Variants in RESF1 observed in about 807,000 individuals in gnomAD.
RESF1 encodes gonad expressed transcript.
Under a neutral mutation model 134.7 loss-of-function variants are expected in RESF1, and 65 were observed. The observed-to-expected ratio is 0.48, with a 90% CI of 0.40 to 0.59. RESF1 has a LOEUF of 0.59. Among genes scored for constraint, RESF1 ranks in the 20% least tolerant of loss-of-function variants. The pLI is 0.00. For synonymous variants in RESF1, 762 were observed against 702.2 expected (o/e 1.09, Z -1.35); for missense variants, 2,274 against 2,002.7 (o/e 1.14, Z -2.59).
chr12:31,985,880 TACTA>T lies in RESF1; in HGVS notation c.4927_4930del (p.Leu1643ArgfsTer12). 1 of 1,538,330 alleles carries T rather than the reference TACTA, an allele frequency of 6.5e-7. No homozygotes were observed. Among genetic ancestry groups the T allele is most frequent in the African/African-American group, 1.4e-5 (1 of 71,812 alleles). ...GAGTTTAAATTATGTCCAGATATCT[TACTA>T]AAGAATACAAACTCTGTGGAAGAAC... On this transcript the variant is annotated frameshift_variant, in exon 4 of 6. Transcript: ENST00000312561. LOFTEE classifies it high-confidence loss of function.
chr12:31,981,211 T>C lies in RESF1; in HGVS notation c.256T>C (p.Ser86Pro), dbSNP rs1274489794. 4.3e-6 allele frequency: 7 copies of C among 1,614,136 alleles called. No homozygotes were observed. The highest frequency in any genetic ancestry group is 5.9e-6 in the Non-Finnish European group (7 of 1,180,020). ...SDMHNGTVVA[S>P]HTSVERITYA... ...TATGCATAATGGGACAGTTGTGGCC[T>C]CACACACTTCAGTAGAAAGAATAAC... The change falls in exon 4 of 6, where the codon TCA becomes CCA. Residue 86 changes from serine to proline, a missense_variant. Physicochemically the swap from Ser to Pro is moderately conservative, Grantham distance 74 (BLOSUM62 -1). Transcript: ENST00000312561.
Position 31,985,360 on chromosome 12 carries a change from G to A in RESF1, c.4405G>A (p.Val1469Met). The change falls in exon 4 of 6, where the codon GTG becomes ATG. Residue 1469 changes from valine to methionine, a missense_variant. Transcript: ENST00000312561. ...TAATAAAGCATCGAAGAAAATCTGT[G>A]TGAAAAACGTGCCATGTGATTCTGA... ...LSNKASKKIC[V>M]KNVPCDSEHM... 1 of 1,607,860 alleles carries A rather than the reference G, an allele frequency of 6.2e-7. No individual in the cohort carries two copies.
At position 31,983,218 on chromosome 12, in the gene RESF1, G is replaced by A; in HGVS notation, c.2263G>A (p.Gly755Arg). 6.2e-7 allele frequency: 1 copy of A among 1,609,074 alleles called. No homozygotes were observed. ...YESSGINITK[G>R]TELQIAVVSP... ...GTCTTCAGGTATAAATATAACAAAGGGAACAGAACTTCAGATAGCTGTAGT... is the reference window on the plus strand; with the variant it reads ...GTCTTCAGGTATAAATATAACAAAGAGAACAGAACTTCAGATAGCTGTAGT... The change falls in exon 4 of 6, where the codon GGA becomes AGA. Residue 755 changes from glycine to arginine, a missense_variant. Gly to Arg is a moderately radical substitution (Grantham distance 125). Coordinates refer to ENST00000312561, the MANE Select transcript of RESF1 (RefSeq NM_018169.4).
chr12:31,982,405 A>G lies in RESF1; in HGVS notation c.1450A>G (p.Met484Val), dbSNP rs148281991. 2.1e-5 allele frequency: 34 copies of G among 1,614,116 alleles called. No homozygotes were observed. In the African/African-American group the frequency reaches 2.7e-4, roughly 13 times the overall value. ...TGCAGAAACAAATAAGACTCAATGT[A>G]TGTTGAATTCTGACATTCAGGAAGT... ...ESAETNKTQC[M>V]LNSDIQEVNC... Residue 484 changes from methionine (M) to valine (V), a missense_variant, in exon 4 of 6, where the codon ATG (methionine) becomes GTG (valine). Met to Val is a conservative substitution (Grantham distance 21, BLOSUM62 1). Transcript: ENST00000312561.
At chr12:31,965,387 A>G (rs1035092284) in intron 2 of RESF1, among the ~76,000 whole-genome samples, 1 of 152,190 alleles carries the variant, frequency 6.6e-6, no homozygotes, top group Admixed American at 6.5e-5. Context: ...CTTCATTTAC[A>G]TAACGTGAAT....
chr12:31,987,004 C>T (rs1939988327), intron 4 of RESF1, among the ~76,000 whole-genome samples: 1 of 152,094 alleles, frequency 6.6e-6, no homozygotes. Flanking sequence ...GTATTAACCT[C>T]TTCAGTTCAT....
At position 31,983,022 on chromosome 12, in the gene RESF1, A is replaced by C; in HGVS notation, c.2067A>C (p.Lys689Asn). ...AAAAGCAACCTTCAGATACTGCAAA[A>C]GAAAAGGAGTGTGATAAACTCAGAA... The part of the protein sequence containing the change: ...LWKKQPSDTA[K>N]EKECDKLRTN... Residue 689 changes from lysine (K) to asparagine (N), a missense_variant, in exon 4 of 6, where the codon AAA becomes AAC. Transcript: ENST00000312561. 1 of 1,614,110 alleles carries C rather than the reference A, an allele frequency of 6.2e-7. No homozygotes were observed. The highest frequency in any genetic ancestry group is 1.6e-4 in the Middle Eastern group (1 of 6,062).
chr12:31,990,174 A>G (rs1940066777), intron 5 of RESF1, among the ~76,000 whole-genome samples: 1 of 152,236 alleles, frequency 6.6e-6, no homozygotes, highest in Non-Finnish European at 1.5e-5. Flanking sequence ...CAGATTGACC[A>G]GAGGCTTCAG....
chr12:31,984,970 GC>G lies in RESF1; in HGVS notation c.4016del (p.Ala1339ValfsTer24), dbSNP rs1939928687. ...QNSRPLKTKTAFLPNKDVYKK... is the reference protein window; with the variant it reads ...QNSRPLKTKTXFLPNKDVYKK... ...CTCACGTCCACTAAAAACAAAAACAGCTTTTTTGCCAAATAAAGATGTGTAT... is the reference window on the plus strand; with the variant it reads ...CTCACGTCCACTAAAAACAAAAACAGTTTTTTGCCAAATAAAGATGTGTAT... On this transcript the variant is annotated frameshift_variant, in exon 4 of 6. Transcript: ENST00000312561. LOFTEE classifies it high-confidence loss of function. 1 of 1,612,862 alleles carries G rather than the reference GC, an allele frequency of 6.2e-7. No homozygotes were observed. Among genetic ancestry groups the G allele is most frequent in the Non-Finnish European group, 8.5e-7 (1 of 1,179,754 alleles).
chr12:31,983,102 C>G lies in RESF1; in HGVS notation c.2147C>G (p.Pro716Arg). 1.2e-6 allele frequency: 2 copies of G among 1,612,572 alleles called. No homozygotes were observed. The highest frequency in any genetic ancestry group is 2.7e-5 in the African/African-American group (2 of 74,952). Reference protein sequence around the residue: ...SKPANIHVKSPCSVVGNSNSQ... With the variant: ...SKPANIHVKSRCSVVGNSNSQ... Reference sequence around the variant, plus strand: ...CCTGCTAACATCCACGTTAAGAGTCCTTGTTCAGTTGTGGGAAATTCAAAT... The same window carrying G: ...CCTGCTAACATCCACGTTAAGAGTCGTTGTTCAGTTGTGGGAAATTCAAAT... Residue 716 changes from proline to arginine, a missense_variant, in exon 4 of 6, where the codon CCT becomes CGT. Transcript: ENST00000312561.
At position 31,992,682 on chromosome 12, in the gene RESF1, A is replaced by T; in HGVS notation, c.*147A>T. 1.2e-6 allele frequency: 1 copy of T among 821,812 alleles called. No individual in the cohort carries two copies. The highest frequency in any genetic ancestry group is 2.0e-6 in the Non-Finnish European group (1 of 505,222). 50.9% of individuals were successfully genotyped at this position (821,812 alleles called of 1,614,324 possible). ...CATTGTATTTCATTGAAAGTGCTTA[A>T]TTAAAATGGCTTGAGAACTTTGGGT... On this transcript the variant is annotated 3_prime_UTR_variant, in exon 6 of 6. Transcript: ENST00000312561.
intron 3 of RESF1, among the ~76,000 whole-genome samples, chr12:31,974,551 C>G (rs1227879780): frequency 2.0e-5 from 3 of 152,068 alleles, no homozygotes; most frequent in Admixed American, 2.0e-4. Context: ...GCCGACATCG[C>G]TGGTGTCCCT....
intron 3 of RESF1, among the ~76,000 whole-genome samples, chr12:31,971,475 T>C (rs1034937429): frequency 5.9e-5 from 9 of 152,204 alleles, no homozygotes; most frequent in African/African-American, 1.9e-4. Flanking sequence ...ATTTGTGTGA[T>C]ACTTTTTCAT....
intron 3 of RESF1, among the ~76,000 whole-genome samples, chr12:31,976,713 T>C (rs1939642792): frequency 6.6e-6 from 1 of 151,914 alleles, no homozygotes; most frequent in Admixed American, 6.6e-5. Flanking sequence ...AGAGAATATA[T>C]TTACTATTCA....
intron 3 of RESF1, among the ~76,000 whole-genome samples, chr12:31,977,706 C>T (rs1334307006): frequency 1.3e-5 from 2 of 151,888 alleles, no homozygotes; most frequent in African/African-American, 4.8e-5. Flanking sequence ...GCTTGTTTTG[C>T]ATTTCCATGG....
In RESF1 at chr12:31,984,059, A is replaced by T; in HGVS notation, c.3104A>T (p.Asp1035Val). The change falls in exon 4 of 6, where the codon GAT becomes GTT. Residue 1035 changes from aspartate (D) to valine (V), a missense_variant. Physicochemically the swap from Asp to Val is radical, Grantham distance 152 (BLOSUM62 -3). Transcript: ENST00000312561. ...GCATCCAGCAACTATACTCCCCAAG[A>T]TCCTGCAAGAAATGAAATCCACAGT... ...IDASSNYTPQ[D>V]PARNEIHSDK... 4 of 1,614,110 alleles carry T rather than the reference A, an allele frequency of 2.5e-6. No homozygotes were observed. The highest frequency in any genetic ancestry group is 2.2e-5 in the East Asian group (1 of 44,872).
chr12:31,978,736 A>G (rs1471402291), intron 3 of RESF1, among the ~76,000 whole-genome samples: 4 of 83,308 alleles, frequency 4.8e-5, no homozygotes, highest in African/African-American at 1.3e-4. Flanking sequence ...TTTTTTTTGT[A>G]TATTTAGTAG....
At chr12:31,960,453 G>T (rs1939234998) in intron 1 of RESF1, among the ~76,000 whole-genome samples, 1 of 152,116 alleles carries the variant, frequency 6.6e-6, no homozygotes, top group Non-Finnish European at 1.5e-5. Context: ...AAGGTTTTAG[G>T]TTTTTTCCCC....
chr12:31,965,916 A>T (rs1409106808), intron 2 of RESF1, among the ~76,000 whole-genome samples: 1 of 150,558 alleles, frequency 6.6e-6, no homozygotes, highest in East Asian at 1.9e-4. Context: ...AAGAAGTGAT[A>T]CTTCGAATAC....
Sources: gnomAD v4.1 joint callset for allele counts (sites outside exome capture counted in the v4.1 genomes callset) on GRCh38, gnomAD v4.1.1 for gene constraint, MANE v1.5 for transcripts, NCBI Gene and HGNC (gene_info 2026-07-23, HGNC 2026-07-21) for gene names.